SORBS2: variants seen among roughly 807,000 people sequenced by gnomAD.
SORBS2 encodes sorbin and SH3 domain-containing protein 2.
In SORBS2, 46 loss-of-function variants were observed where a neutral mutation model predicts 97.7. The ratio of observed to expected loss-of-function variants is 0.47; its 90% CI spans 0.37 to 0.60. SORBS2 has a LOEUF of 0.60. Ranked by LOEUF, SORBS2 falls within the 20% of genes least tolerant of loss-of-function variation. The probability of loss-of-function intolerance (pLI) is 0.00; values close to 1 mark genes in which losing one functional copy is unlikely to be tolerated. For missense variants in SORBS2, 1,316 were observed against 1,282.3 expected (o/e 1.03, Z -0.40); for synonymous variants, 476 against 473.4 (o/e 1.01, Z -0.07).
intron 4 of SORBS2, among the ~76,000 whole-genome samples, chr4:185,673,955 C>T (rs1416310233): frequency 6.6e-6 from 1 of 152,202 alleles, no homozygotes; most frequent in African/African-American, 2.4e-5. Context: ...TTAGAGGACA[C>T]TGCTTTCAGT....
chr4:185,678,839 T>G lies in SORBS2; in HGVS notation c.-197-17A>C, dbSNP rs531418859. 1.4e-6 allele frequency: 2 copies of G among 1,414,446 alleles called. No individual in the cohort carries two copies. The highest frequency in any genetic ancestry group is 2.9e-5 in the African/African-American group (2 of 68,074). The allele number at this position is 1,414,446 out of a possible 1,614,324, so 87.6% of individuals were successfully genotyped here. ...AATCACGCCCTGAAAGAAAAAAAAA[T>G]GTTGAAATTAAGACTAAGGTGAAAT... On this transcript the variant is annotated splice_polypyrimidine_tract_variant and intron_variant, in intron 2 of 20. Coordinates refer to the SORBS2 transcript ENST00000284776.
chr4:185,675,200 A>G (rs2097773869), intron 4 of SORBS2: 1 of 152,246 alleles, frequency 6.6e-6, no homozygotes, highest in Non-Finnish European at 1.5e-5. Context: ...TTGTTTTCAA[A>G]CATCACAAAA....
intron 1 of SORBS2, among the ~76,000 whole-genome samples, chr4:185,825,283 T>C (rs185520513): frequency 0.015 from 2,318 of 151,960 alleles, 33 homozygotes; most frequent in East Asian, 0.046. Context: ...TGTAATTTAT[T>C]AGCAGATTAC....
At chr4:185,884,660 A>G (rs946310686) in intron 1 of SORBS2, among the ~76,000 whole-genome samples, 3 of 152,180 alleles carry the variant, frequency 2.0e-5, no homozygotes, top group Non-Finnish European at 4.4e-5. Context: ...CTGACCTATC[A>G]TCTAGACTAT....
intron 2 of SORBS2, among the ~76,000 whole-genome samples, chr4:185,756,719 CTTT>C (rs56955640): frequency 0.1 from 13,297 of 131,578 alleles, 756 homozygotes; most frequent in South Asian, 0.18. Flanking sequence ...ACTGTTAAAG[CTTT>C]TTTTTTTTTT....
At position 185,798,708 on chromosome 4, in the gene SORBS2, A is replaced by G. The variant is rs544372022; in HGVS notation, c.-337-23342T>C. ...CTTAATTAAGCTGTATGCAACCATC[A>G]GTCCATATCTTGAATTAGGCTACAT... is the stretch of plus-strand genomic sequence containing the variant. On this transcript the variant is annotated intron_variant, in intron 1 of 20. Coordinates refer to the SORBS2 transcript ENST00000284776. Among the ~76,000 whole-genome samples, 44 of 152,324 alleles carry G rather than the reference A, an allele frequency of 2.9e-4. 1 individual carries two copies. The South Asian group carries it at 3.1e-3, about 11-fold the overall frequency.
intron 1 of SORBS2, among the ~76,000 whole-genome samples, chr4:185,948,584 C>T (rs2099275690): frequency 7.7e-6 from 1 of 129,982 alleles, no homozygotes; most frequent in African/African-American, 3.0e-5. Context: ...GTGGCACAGT[C>T]TTGGCTTACT....
intron 2 of SORBS2, among the ~76,000 whole-genome samples, chr4:185,688,486 G>A (rs199855963): frequency 9.7e-6 from 1 of 102,958 alleles, no homozygotes; most frequent in African/African-American, 3.1e-5. Context: ...TTATCTATCT[G>A]TCTATTGATA....
intron 9 of SORBS2, among the ~76,000 whole-genome samples, chr4:185,615,982 A>C (rs1462066380): frequency 6.6e-6 from 1 of 152,244 alleles, no homozygotes; most frequent in South Asian, 2.1e-4. Context: ...TCACTACATC[A>C]ATTTTTCCTG....
At chr4:185,827,312 CCATCAT>C (rs139013219) in intron 1 of SORBS2, among the ~76,000 whole-genome samples, 1 of 41,158 alleles carries the variant, frequency 2.4e-5, no homozygotes. Context: ...ACCATCATCA[CCATCAT>C]CACCATCATC....
At chr4:185,856,430 A>T (rs191420145) in intron 1 of SORBS2, among the ~76,000 whole-genome samples, 1 of 152,206 alleles carries the variant, frequency 6.6e-6, no homozygotes, top group East Asian at 1.9e-4. Context: ...GAGACACACA[A>T]TAGAAGTCAC....
intron 1 of SORBS2, among the ~76,000 whole-genome samples, chr4:185,798,587 T>C (rs1246097252): frequency 1.3e-5 from 2 of 152,218 alleles, no homozygotes; most frequent in Non-Finnish European, 2.9e-5. Context: ...AAAAAGTGGA[T>C]CTTTCTTTGC....
intron 4 of SORBS2, 112 bp from the exon 16 acceptor site, chr4:185,635,523 T>C (rs995143073): frequency 2.8e-4 from 212 of 766,628 alleles, no homozygotes; most frequent in Non-Finnish European, 4.2e-4. Flanking sequence ...AATTGAGTGT[T>C]GACAGCACCA....
intron 12 of SORBS2, among the ~76,000 whole-genome samples, chr4:185,608,551 G>A (rs1269304844): frequency 6.6e-6 from 1 of 152,092 alleles, no homozygotes. Context: ...ATGTATTTTG[G>A]ATATAGTAAA....
At chr4:185,900,410 T>G (rs2099247102) in intron 1 of SORBS2, among the ~76,000 whole-genome samples, 1 of 152,122 alleles carries the variant, frequency 6.6e-6, no homozygotes, top group African/African-American at 2.4e-5. Flanking sequence ...GAACTCAACT[T>G]GGATTTATAT....
chr4:185,619,097 C>T (rs995451254), intron 8 of SORBS2, among the ~76,000 whole-genome samples: 12 of 152,150 alleles, frequency 7.9e-5, no homozygotes, highest in Non-Finnish European at 1.6e-4. Flanking sequence ...AAAATATTAG[C>T]TCAATTATCA....
intron 3 of SORBS2, 150 bp from the exon 13 acceptor site, chr4:185,646,932 T>A: frequency 1.7e-6 from 1 of 584,090 alleles, no homozygotes; most frequent in Non-Finnish European, 3.0e-6. Context: ...AAATACCACA[T>A]TCCCCCGCCA....
intron 1 of SORBS2, among the ~76,000 whole-genome samples, chr4:185,899,326 C>T (rs1244723952): frequency 6.6e-6 from 1 of 152,158 alleles, no homozygotes; most frequent in Non-Finnish European, 1.5e-5. Context: ...CATCAGGACC[C>T]GTTCTCTGTG....
At chr4:185,714,750 C>A (rs1202219170) in intron 2 of SORBS2, among the ~76,000 whole-genome samples, 4 of 152,176 alleles carry the variant, frequency 2.6e-5, no homozygotes, top group African/African-American at 9.6e-5. Context: ...ACCGTCAGAT[C>A]TCGTAGATGT....
Sources: allele counts gnomAD v4.1 joint callset (sites outside exome capture counted in the v4.1 genomes callset), GRCh38; gene constraint gnomAD v4.1.1; transcripts MANE v1.5; gene names NCBI Gene and HGNC (gene_info 2026-07-23, HGNC 2026-07-21).